ATP9A: variants seen among roughly 807,000 people sequenced by gnomAD.
ATP9A encodes the protein ATPase phospholipid transporting 9A, also known as probable phospholipid-transporting ATPase IIA.
A neutral mutation model predicts 144.1 loss-of-function variants in ATP9A; 52 were observed. The observed-to-expected ratio is 0.36, with a 90% CI of 0.29 to 0.45. ATP9A has a LOEUF of 0.45. Among genes scored for constraint, ATP9A ranks in the 20% least tolerant of loss-of-function variants. The pLI is 1.00. For synonymous variants in ATP9A, 582 were observed against 557.4 expected (o/e 1.04, Z -0.62); for missense variants, 947 against 1,392.7 (o/e 0.68, Z 5.09).
At chr20:51,674,776 C>A (rs1299519349) in intron 10 of ATP9A, among the ~76,000 whole-genome samples, 4 of 152,088 alleles carry the variant, frequency 2.6e-5, no homozygotes, top group Non-Finnish European at 4.4e-5. Flanking sequence ...GGGGCGCACA[C>A]CAGTGGTGGC....
At chr20:51,641,641 C>T (rs1361775209) in intron 14 of ATP9A, among the ~76,000 whole-genome samples, 4 of 151,048 alleles carry the variant, frequency 2.6e-5, no homozygotes, top group Non-Finnish European at 5.9e-5. Context: ...ATAGTGAAAC[C>T]CCATCTCTAC....
At chr20:51,699,351 A>AG (rs1183241014) in intron 4 of ATP9A, among the ~76,000 whole-genome samples, 1 of 151,792 alleles carries the variant, frequency 6.6e-6, no homozygotes, top group Non-Finnish European at 1.5e-5. Flanking sequence ...AAAAAAAAAA[A>AG]AAAGAACTTA....
intron 10 of ATP9A, among the ~76,000 whole-genome samples, 181 bp from the exon 11 acceptor site, chr20:51,674,494 T>A (rs1767382463): frequency 6.6e-6 from 1 of 152,166 alleles, no homozygotes; most frequent in African/African-American, 2.4e-5. Context: ...CCATCGATCC[T>A]CATATCTTTG....
chr20:51,717,878 C>T (rs1290220207), intron 3 of ATP9A, among the ~76,000 whole-genome samples: 1 of 151,260 alleles, frequency 6.6e-6, no homozygotes, highest in South Asian at 2.1e-4. Flanking sequence ...CACTTGAACC[C>T]GGGAGGTGGA....
At chr20:51,635,830 G>GAAGGAAGGAAGGAAGGAAGGA (rs1568795834) in intron 15 of ATP9A, among the ~76,000 whole-genome samples, 1 of 58,276 alleles carries the variant, frequency 1.7e-5, no homozygotes, top group Non-Finnish European at 3.2e-5. Flanking sequence ...GGAAGGGAGG[G>GAAGGAAGGAAGGAAGGAAGGA]AGGGAGGGAG....
chr20:51,691,801 C>T (rs910847169), intron 7 of ATP9A, among the ~76,000 whole-genome samples: 1 of 152,154 alleles, frequency 6.6e-6, no homozygotes, highest in African/African-American at 2.4e-5. Context: ...CACCCATGTA[C>T]GTAGCAGCAT....
At chr20:51,623,587 C>A (rs2077235308) in intron 18 of ATP9A, among the ~76,000 whole-genome samples, 1 of 152,026 alleles carries the variant, frequency 6.6e-6, no homozygotes, top group Non-Finnish European at 1.5e-5. Context: ...TCGAGACCAG[C>A]CTGACCAACA....
At chr20:51,643,564 C>G (rs1268879627) in intron 14 of ATP9A, among the ~76,000 whole-genome samples, 1 of 152,092 alleles carries the variant, frequency 6.6e-6, no homozygotes, top group East Asian at 1.9e-4. Context: ...CTGCGAGAGA[C>G]AGAGTGAAAA....
In ATP9A at chr20:51,743,396, A is replaced by ATTTTTTTTTTTTTTT. The variant is rs769952209; in HGVS notation, c.69-13433_69-13419dup. On this transcript the variant is annotated intron_variant, in intron 1 of 27. Transcript: ENST00000338821. ...GAGATGGGCTGCAAGACCGAAACTG[A>ATTTTTTTTTTTTTTT]TTTTTTTTTTTTTTTTTTTTTGAGA... Among the ~76,000 whole-genome samples, 10 of 89,846 alleles carry ATTTTTTTTTTTTTTT rather than the reference A, an allele frequency of 1.1e-4. 1 individual carries two copies. Among genetic ancestry groups the ATTTTTTTTTTTTTTT allele is most frequent in the Non-Finnish European group, 1.6e-4 (8 of 50,092 alleles). The allele number at this position is 89,846 out of a possible 152,430, so 58.9% of individuals were successfully genotyped here.
intron 1 of ATP9A, 75 bp downstream of exon 1, chr20:51,768,227 G>A (rs1399660094): frequency 1.3e-5 from 13 of 1,027,336 alleles, no homozygotes; most frequent in Non-Finnish European, 1.4e-5. Context: ...AACCTGTCAG[G>A]CCCGGCCAGG....
At chr20:51,697,666 G>A (rs1382499710) in intron 4 of ATP9A, among the ~76,000 whole-genome samples, 184 bp from the exon 5 acceptor site, 10 of 152,226 alleles carry the variant, frequency 6.6e-5, no homozygotes, top group African/African-American at 2.4e-4. Context: ...CCGCTACAGA[G>A]GCCGTTGCAG....
chr20:51,689,246 T>G lies in ATP9A; in HGVS notation c.724-107A>C. On this transcript the variant is annotated intron_variant, in intron 8 of 27. Coordinates refer to ENST00000338821, the MANE Select transcript of ATP9A (RefSeq NM_006045.3). ...AGATAGAAAGACAGGCTCCCCCCGA[T>G]GAACCTGGAAGCCCAGTTTGGAAGC... is the stretch of plus-strand genomic sequence containing the variant. 6.0e-6 allele frequency: 7 copies of G among 1,160,864 alleles called. 1 individual carries two copies. The South Asian group carries it at 9.9e-5, about 17-fold the overall frequency. 71.9% of individuals were successfully genotyped at this position (1,160,864 alleles called of 1,614,324 possible).
At chr20:51,758,755 T>C (rs1015874367) in intron 1 of ATP9A, among the ~76,000 whole-genome samples, 1 of 152,108 alleles carries the variant, frequency 6.6e-6, no homozygotes, top group East Asian at 1.9e-4. Flanking sequence ...TGAAACCCCG[T>C]CTCTACTAAA....
intron 13 of ATP9A, among the ~76,000 whole-genome samples, chr20:51,665,439 C>T (rs1462651466): frequency 6.6e-6 from 1 of 152,098 alleles, no homozygotes; most frequent in Non-Finnish European, 1.5e-5. Flanking sequence ...TAGTAAATTG[C>T]CAGGCGTGGT....
rs548663210 is a variant in ATP9A, at chr20:51,660,078, C to T, written c.1294-2928G>A. On this transcript the variant is annotated intron_variant, in intron 13 of 27. Transcript: ENST00000338821. ...TATTGGAGAGACTAAATCGAGAACC[C>T]TTTTTTTAAAAAATTCTATAATTTA... is the stretch of plus-strand genomic sequence containing the variant. Among the ~76,000 whole-genome samples, 409 of 152,164 alleles carry T rather than the reference C, an allele frequency of 2.7e-3. 2 individuals are homozygous for T. Among genetic ancestry groups the T allele is most frequent in the African/African-American group, 9.5e-3 (395 of 41,472 alleles).
chr20:51,744,006 CAA>C (rs1359225214), intron 1 of ATP9A, among the ~76,000 whole-genome samples: 1 of 133,404 alleles, frequency 7.5e-6, no homozygotes. Context: ...GACTCCATCT[CAA>C]AAAAAAAAAA....
At chr20:51,742,606 C>T (rs2077789921) in intron 1 of ATP9A, among the ~76,000 whole-genome samples, 2 of 152,110 alleles carry the variant, frequency 1.3e-5, no homozygotes, top group African/African-American at 4.8e-5. Context: ...CCTCCGCCTC[C>T]TGGGTTCAAG....
In ATP9A at chr20:51,645,477, G is replaced by A. The variant is rs376191902; in HGVS notation, c.1507-5973C>T. Among the ~76,000 whole-genome samples, 9 of 152,240 alleles carry A rather than the reference G, an allele frequency of 5.9e-5. No individual in the cohort carries two copies. The East Asian group carries it at 9.7e-4, about 16-fold the overall frequency. ...GGAGTTTGCAGTGAGCCAAGATCGCGCCTGGGCGACAGAGTGAGACTCCGT... is the reference window on the plus strand; with the variant it reads ...GGAGTTTGCAGTGAGCCAAGATCGCACCTGGGCGACAGAGTGAGACTCCGT... On this transcript the variant is annotated intron_variant, in intron 14 of 27. Coordinates refer to ENST00000338821, the MANE Select transcript of ATP9A (RefSeq NM_006045.3).
intron 1 of ATP9A, among the ~76,000 whole-genome samples, chr20:51,741,362 C>T (rs1230493091): frequency 1.3e-5 from 2 of 152,146 alleles, no homozygotes; most frequent in Non-Finnish European, 2.9e-5. Flanking sequence ...AGGCGGATCA[C>T]GAGGTCAGGG....
Sources: allele counts gnomAD v4.1 joint callset (sites outside exome capture counted in the v4.1 genomes callset), GRCh38; gene constraint gnomAD v4.1.1; transcripts MANE v1.5; gene names NCBI Gene and HGNC (gene_info 2026-07-23, HGNC 2026-07-21).